ADGRG5: variants seen among roughly 807,000 people sequenced by gnomAD.
ADGRG5 encodes adhesion G protein-coupled receptor G5.
A neutral mutation model predicts 53.2 loss-of-function variants in ADGRG5; 37 were observed. The observed-to-expected ratio is 0.70, with a 90% CI of 0.53 to 0.91. The LOEUF is 0.91. Ranked by LOEUF, ADGRG5 falls within the 40% of genes least tolerant of loss-of-function variation. ADGRG5 has a pLI of 0.00. For synonymous variants in ADGRG5, 277 were observed against 290.4 expected (o/e 0.95, Z 0.47); for missense variants, 614 against 675.8 (o/e 0.91, Z 1.01).
chr16:57,540,362 TTATCTA>T (rs2032472641), upstream of ADGRG5, among the ~76,000 whole-genome samples: 2 of 152,196 alleles, frequency 1.3e-5, no homozygotes, highest in Non-Finnish European at 2.9e-5. Flanking sequence ...TTGTGACTGT[TTATCTA>T]AAGTCCTGTC....
At chr16:57,569,130 G>C (rs1484506642) in intron 9 of ADGRG5, among the ~76,000 whole-genome samples, 57 of 50,202 alleles carry the variant, frequency 1.1e-3, no homozygotes, top group Middle Eastern at 0.019. Context: ...TCACCACCAT[G>C]ATCACCTCCT....
intron 5 of ADGRG5, 53 bp from the exon 6 acceptor site, chr16:57,564,981 C>A (rs2033096790): frequency 9.4e-7 from 1 of 1,063,128 alleles, no homozygotes; most frequent in Non-Finnish European, 1.5e-6. Context: ...CAGACCTTAC[C>A]CAGGGCCTCC....
the ADGRG5 span, among the ~76,000 whole-genome samples, chr16:57,531,043 C>A: frequency 6.6e-6 from 1 of 151,908 alleles, no homozygotes; most frequent in African/African-American, 2.4e-5. Flanking sequence ...CCCTCGAATG[C>A]GGCTGTCATC....
Position 57,563,074 on chromosome 16 carries a change from A to G in ADGRG5, c.141-17A>G, listed in dbSNP as rs199752552. 46 of 1,613,840 alleles carry G rather than the reference A, an allele frequency of 2.9e-5. No homozygotes were observed. The Admixed American group carries it at 7.3e-4, about 26-fold the overall frequency. On this transcript the variant is annotated splice_polypyrimidine_tract_variant and intron_variant, in intron 3 of 11. Transcript: ENST00000349457. ...ACTCCGGGCTCTGGCCTCCCTGGCCATCTCTCTGGGCTGCAGTCAACTCCA... is the reference window on the plus strand; with the variant it reads ...ACTCCGGGCTCTGGCCTCCCTGGCCGTCTCTCTGGGCTGCAGTCAACTCCA...
intron 1 of ADGRG5, among the ~76,000 whole-genome samples, chr16:57,543,820 T>C (rs2032552260): frequency 6.6e-6 from 1 of 152,110 alleles, no homozygotes; most frequent in East Asian, 1.9e-4. Context: ...AGGACTTTGA[T>C]CAGAGCCCTG....
intron 1 of ADGRG5, among the ~76,000 whole-genome samples, chr16:57,543,508 C>T (rs919808298): frequency 6.6e-6 from 1 of 152,096 alleles, no homozygotes; most frequent in Non-Finnish European, 1.5e-5. Flanking sequence ...GTCTCGGACT[C>T]CTGATCTCAG....
At chr16:57,565,398 A>G in intron 6 of ADGRG5, 1 of 538,742 alleles carries the variant, frequency 1.9e-6, no homozygotes, top group Non-Finnish European at 3.3e-6. Context: ...ATTGGCACAC[A>G]TCCATGAAAT....
rs1013429505 is a variant in ADGRG5 at position 57,575,643 on chromosome 16, C to A, written c.*105C>A. The A allele has an allele frequency of 1.2e-6, 1 of 852,016 alleles. No homozygotes were observed. Among genetic ancestry groups the A allele is most frequent in the Non-Finnish European group, 1.9e-6 (1 of 528,900 alleles). The allele number at this position is 852,016 out of a possible 1,614,324, so 52.8% of individuals were successfully genotyped here. A position where few individuals can be genotyped will look rare whatever the true frequency, so the allele number is the denominator to read the frequency against. ...CAGGCCTGCTGCTGGACCCCAGAGG[C>A]CACTGTGACCGCCAAGGGGCCTTTT... On this transcript the variant is annotated 3_prime_UTR_variant, in exon 12 of 12. Transcript: ENST00000349457.
chr16:57,556,541 G>A (rs1276312611), intron 1 of ADGRG5, among the ~76,000 whole-genome samples: 4 of 151,908 alleles, frequency 2.6e-5, no homozygotes, highest in Non-Finnish European at 4.4e-5. Flanking sequence ...ATTTACCTTC[G>A]AATAACATTA....
rs114907317 is a variant in ADGRG5, at chr16:57,563,214, G to A, written c.264G>A (p.Ser88=). ...FKLSCDFSGL[S]LTSATLKRVP... is the part of the protein sequence containing the mutation. ...TGAGCTGTGACTTCTCTGGCCTCTC[G>A]CTGACCAGTGCCACTCTGAAGCGGG... Residue 88 remains serine, a synonymous_variant, in exon 4 of 12, where the codon TCG becomes TCA. Coordinates refer to ENST00000349457, the MANE Select transcript of ADGRG5 (RefSeq NM_001304376.3). The A allele has an allele frequency of 3.8e-3, 6,072 of 1,614,062 alleles. 32 individuals are homozygous for A. The highest frequency in any genetic ancestry group is 8.7e-3 in the Middle Eastern group (53 of 6,062).
At chr16:57,535,925 G>T in the ADGRG5 span, among the ~76,000 whole-genome samples, 1 of 152,128 alleles carries the variant, frequency 6.6e-6, no homozygotes, top group Non-Finnish European at 1.5e-5. Flanking sequence ...TGAAACTGAA[G>T]CCCCAGCCCT....
At chr16:57,561,960 T>C in intron 1 of ADGRG5, 96 bp from the exon 2 acceptor site, 1 of 588,460 alleles carries the variant, frequency 1.7e-6, no homozygotes, top group Non-Finnish European at 2.9e-6. Flanking sequence ...GTGAGTCAAA[T>C]AAGATGCTGC....
chr16:57,547,800 A>T (rs1436075055), intron 1 of ADGRG5, among the ~76,000 whole-genome samples: 1 of 151,904 alleles, frequency 6.6e-6, no homozygotes, highest in Admixed American at 6.6e-5. Flanking sequence ...TCCTGGCTGG[A>T]GTGCAGAGGT....
Position 57,575,108 on chromosome 16 carries a change from G to T in ADGRG5, c.1486+16G>T. The stretch of plus-strand genomic sequence containing the variant: ...TCGCTCTACGGTAGGGCTGGAGGGC[G>T]GCCTGGAGGAAGCTACCTGGCAGGG... On this transcript the variant is annotated intron_variant, in intron 11 of 11. Transcript: ENST00000349457. 2 of 1,600,820 alleles carry T rather than the reference G, an allele frequency of 1.2e-6. No homozygotes were observed. Among genetic ancestry groups the T allele is most frequent in the Non-Finnish European group, 8.5e-7 (1 of 1,173,420 alleles).
At chr16:57,554,899 T>C (rs2032847403) in intron 1 of ADGRG5, among the ~76,000 whole-genome samples, 1 of 152,204 alleles carries the variant, frequency 6.6e-6, no homozygotes, top group Non-Finnish European at 1.5e-5. Context: ...ATTTTATAAT[T>C]TCCCTTGTGA....
upstream of ADGRG5, among the ~76,000 whole-genome samples, chr16:57,540,268 C>T (rs2032471564): frequency 6.6e-6 from 1 of 152,128 alleles, no homozygotes; most frequent in African/African-American, 2.4e-5. Context: ...AAACAAAAAA[C>T]AAAAGAAACA....
At chr16:57,572,367 C>T (rs544844477) in intron 10 of ADGRG5, among the ~76,000 whole-genome samples, 39 of 152,184 alleles carry the variant, frequency 2.6e-4, no homozygotes, top group African/African-American at 7.9e-4. Flanking sequence ...CCCAGTTACT[C>T]GGGAGGCTGA....
the ADGRG5 span, among the ~76,000 whole-genome samples, chr16:57,536,030 G>C: frequency 2.6e-5 from 4 of 152,174 alleles, no homozygotes; most frequent in African/African-American, 4.8e-5. Flanking sequence ...GGTGGAGGGG[G>C]TTCCCGGCCC....
chr16:57,575,365 G>C, intron 11 of ADGRG5, 73 bp from the exon 12 acceptor site: 1 of 1,411,636 alleles, frequency 7.1e-7, no homozygotes, highest in Non-Finnish European at 1.0e-6. Flanking sequence ...AGGCCAGCTC[G>C]CTGCAGCCAA....
Sources: gnomAD v4.1 joint callset for allele counts (sites outside exome capture counted in the v4.1 genomes callset) on GRCh38, gnomAD v4.1.1 for gene constraint, MANE v1.5 for transcripts, NCBI Gene and HGNC (gene_info 2026-07-23, HGNC 2026-07-21) for gene names.